The following SCHIP1 variants were observed in gnomAD, a reference collection of about 807,000 sequenced individuals.
SCHIP1 encodes schwannomin interacting protein 1.
Under a neutral mutation model 29.7 loss-of-function variants are expected in SCHIP1, and 8 were observed. The observed-to-expected ratio is 0.27, with a 90% CI of 0.16 to 0.49. The LOEUF (loss-of-function observed/expected upper bound fraction) is 0.49, where lower values mean the gene tolerates loss of function less well. Among genes scored for constraint, SCHIP1 ranks in the 20% least tolerant of loss-of-function variants. The probability of loss-of-function intolerance (pLI) is 0.99; values close to 1 mark genes in which losing one functional copy is unlikely to be tolerated. For missense variants in SCHIP1, 193 were observed against 294.6 expected (o/e 0.66, Z 2.52); for synonymous variants, 76 against 94.9 (o/e 0.80, Z 1.16).
chr3:159,772,204 AC>A, the SCHIP1 span, among the ~76,000 whole-genome samples: 2 of 152,156 alleles, frequency 1.3e-5, no homozygotes, highest in Non-Finnish European at 2.9e-5. Flanking sequence ...AGGCTGCAGT[AC>A]AGTGGCACAA....
chr3:159,665,960 C>T, the SCHIP1 span, among the ~76,000 whole-genome samples: 1 of 152,162 alleles, frequency 6.6e-6, no homozygotes, highest in Non-Finnish European at 1.5e-5. Flanking sequence ...GCCTTCCAGT[C>T]TCCATGCTAC....
chr3:159,394,851 CCT>C, the SCHIP1 span, among the ~76,000 whole-genome samples: 1 of 151,992 alleles, frequency 6.6e-6, no homozygotes, highest in Non-Finnish European at 1.5e-5. Flanking sequence ...GGGAGGATTC[CCT>C]CTTTTTCTAT....
At chr3:159,533,710 G>A in the SCHIP1 span, among the ~76,000 whole-genome samples, 1 of 152,110 alleles carries the variant, frequency 6.6e-6, no homozygotes, top group Admixed American at 6.5e-5. Flanking sequence ...AAACATCCAA[G>A]ACTCTTCCTT....
the SCHIP1 span, among the ~76,000 whole-genome samples, chr3:159,690,985 A>C: frequency 6.6e-6 from 1 of 152,098 alleles, no homozygotes; most frequent in Non-Finnish European, 1.5e-5. Context: ...ATTCTTTTGC[A>C]TTTGCTGAGG....
the SCHIP1 span, among the ~76,000 whole-genome samples, chr3:159,421,171 C>T: frequency 1.3e-5 from 2 of 152,172 alleles, no homozygotes; most frequent in African/African-American, 4.8e-5. Flanking sequence ...TTTTGTTACA[C>T]AGAATTTGTC....
At chr3:159,434,219 A>G in the SCHIP1 span, among the ~76,000 whole-genome samples, 2 of 152,298 alleles carry the variant, frequency 1.3e-5, no homozygotes, top group African/African-American at 4.8e-5. Flanking sequence ...AATGACCTAG[A>G]CAGACACTAT....
At chr3:159,868,641 G>T (rs1714913459) in intron 2 of SCHIP1, among the ~76,000 whole-genome samples, 1 of 151,950 alleles carries the variant, frequency 6.6e-6, no homozygotes, top group Admixed American at 6.6e-5. Context: ...TTCTCCCCAT[G>T]TTCTGCATTT....
At chr3:159,334,834 A>G in the SCHIP1 span, among the ~76,000 whole-genome samples, 1 of 152,042 alleles carries the variant, frequency 6.6e-6, no homozygotes, top group Admixed American at 6.6e-5. Context: ...ATTTAACTAC[A>G]GATATAGACA....
the SCHIP1 span, among the ~76,000 whole-genome samples, chr3:159,407,403 G>A: frequency 6.6e-6 from 1 of 152,120 alleles, no homozygotes; most frequent in African/African-American, 2.4e-5. Context: ...TGTTATTAGA[G>A]GTAAAGAGAG....
At chr3:159,878,909 C>T (rs1716158747) in intron 2 of SCHIP1, among the ~76,000 whole-genome samples, 2 of 149,438 alleles carry the variant, frequency 1.3e-5, no homozygotes, top group Admixed American at 6.6e-5. Flanking sequence ...CCAAAGCCAA[C>T]TGAAACTCTT....
chr3:159,555,401 T>C, the SCHIP1 span, among the ~76,000 whole-genome samples: 1 of 152,246 alleles, frequency 6.6e-6, no homozygotes, highest in Admixed American at 6.5e-5. Flanking sequence ...TTGGCTTTTG[T>C]TACACAGGGT....
the SCHIP1 span, among the ~76,000 whole-genome samples, chr3:159,592,436 A>C: frequency 6.6e-6 from 1 of 152,034 alleles, no homozygotes; most frequent in South Asian, 2.1e-4. Flanking sequence ...GCCTTTTCAC[A>C]GCTGGATTTT....
chr3:159,780,972 T>TC, the SCHIP1 span, among the ~76,000 whole-genome samples: 32 of 152,328 alleles, frequency 2.1e-4, no homozygotes, highest in African/African-American at 7.5e-4. Context: ...TATCAGCAGC[T>TC]CCAGGAATCA....
the SCHIP1 span, among the ~76,000 whole-genome samples, chr3:159,814,591 C>T: frequency 6.6e-6 from 1 of 152,218 alleles, no homozygotes; most frequent in Non-Finnish European, 1.5e-5. Context: ...GGGGAGCCCC[C>T]AGAAAGCTGT....
chr3:159,778,781 C>T, the SCHIP1 span, among the ~76,000 whole-genome samples: 1 of 152,144 alleles, frequency 6.6e-6, no homozygotes, highest in African/African-American at 2.4e-5. Context: ...TATCCCTCCT[C>T]GGTGGAACTC....
the SCHIP1 span, among the ~76,000 whole-genome samples, chr3:159,581,938 G>A: frequency 6.6e-6 from 1 of 152,132 alleles, no homozygotes; most frequent in Non-Finnish European, 1.5e-5. Context: ...TATTGCTGAA[G>A]AGTTGAGGGG....
the SCHIP1 span, among the ~76,000 whole-genome samples, chr3:159,617,640 C>G: frequency 1.3e-5 from 2 of 152,160 alleles, no homozygotes; most frequent in Non-Finnish European, 2.9e-5. Context: ...CCACCATCTT[C>G]CCCAGAGCTC....
At chr3:159,694,596 GAAA>G in the SCHIP1 span, among the ~76,000 whole-genome samples, 596 of 137,102 alleles carry the variant, frequency 4.3e-3, 13 homozygotes, top group East Asian at 0.011. Flanking sequence ...AAGAAAGAAA[GAAA>G]GAAAGAAAGG....
intron 1 of SCHIP1, among the ~76,000 whole-genome samples, chr3:159,863,904 T>C (rs1228789984): frequency 6.6e-6 from 1 of 152,230 alleles, no homozygotes. Flanking sequence ...ATCAAGGGTA[T>C]ATTCACACAT....
Sources: gnomAD v4.1 joint callset for allele counts (sites outside exome capture counted in the v4.1 genomes callset) on GRCh38, gnomAD v4.1.1 for gene constraint, MANE v1.5 for transcripts, NCBI Gene and HGNC (gene_info 2026-07-23, HGNC 2026-07-21) for gene names.